Variants in CFAP52 observed in about 807,000 individuals in gnomAD.
The protein encoded by CFAP52 is cilia and flagella associated protein 52.
Under a neutral mutation model 70.5 loss-of-function variants are expected in CFAP52, and 57 were observed. The observed-to-expected ratio is 0.81, with a 90% confidence interval of 0.65 to 1.01. The LOEUF (loss-of-function observed/expected upper bound fraction) is 1.01, where lower values mean the gene tolerates loss of function less well. CFAP52 is among the 50% of genes least tolerant of loss of function. The pLI is 0.00. For synonymous variants in CFAP52, 267 were observed against 292.5 expected, an observed-to-expected ratio of 0.91 and a Z score of 0.89; for missense variants, 785 against 788.5, an observed-to-expected ratio of 1.00 and a Z score of 0.05.
intron 9 of CFAP52, among the ~76,000 whole-genome samples, chr17:9,629,474 CCTTTCTTTCTTT>C (rs71995451): frequency 3.4e-5 from 5 of 148,752 alleles, no homozygotes; most frequent in Non-Finnish European, 4.4e-5. Flanking sequence ...TCTTTCTTTC[CCTTTCTTTCTTT>C]CTTTCTTTCT....
chr17:9,608,490 C>A (rs1050241070), intron 7 of CFAP52, among the ~76,000 whole-genome samples: 1 of 152,192 alleles, frequency 6.6e-6, no homozygotes, highest in African/African-American at 2.4e-5. Context: ...TTAGCTAACA[C>A]ATTGAGCCAT....
chr17:9,631,237 G>A (rs922387325), intron 9 of CFAP52, among the ~76,000 whole-genome samples: 5 of 151,730 alleles, frequency 3.3e-5, no homozygotes, highest in African/African-American at 1.2e-4. Flanking sequence ...CTTACCTGGA[G>A]CTCTTCCTCT....
At chr17:9,630,730 C>A (rs1222796036) in intron 9 of CFAP52, among the ~76,000 whole-genome samples, 1 of 151,084 alleles carries the variant, frequency 6.6e-6, no homozygotes, top group Non-Finnish European at 1.5e-5. Flanking sequence ...GCGCCCTGCC[C>A]GATTTTTGTA....
Position 9,643,281 on chromosome 17 carries a change from AT to A in CFAP52, c.*86del. Reference sequence around the variant, plus strand: ...TTAGATAACTCCAACACTAGTCTTCATTTCTCACAGCTCTGTTTTTGTTCTT... The same window carrying A: ...TTAGATAACTCCAACACTAGTCTTCATTCTCACAGCTCTGTTTTTGTTCTT... On this transcript the variant is annotated 3_prime_UTR_variant, in exon 14 of 14. Transcript: ENST00000352665. 1 of 1,213,094 alleles carries A rather than the reference AT, an allele frequency of 8.2e-7. No homozygotes were observed. Among genetic ancestry groups the A allele is most frequent in the Non-Finnish European group, 1.1e-6 (1 of 924,544 alleles). The allele number at this position is 1,213,094 out of a possible 1,614,324, so 75.1% of individuals were successfully genotyped here.
At chr17:9,610,769 C>A (rs894785529) in intron 7 of CFAP52, among the ~76,000 whole-genome samples, 4 of 152,088 alleles carry the variant, frequency 2.6e-5, no homozygotes, top group Non-Finnish European at 5.9e-5. Flanking sequence ...AAACTCCTGA[C>A]CTCAGATGAT....
At chr17:9,595,162 G>T (rs147033633) in intron 4 of CFAP52, among the ~76,000 whole-genome samples, 150 of 152,208 alleles carry the variant, frequency 9.9e-4, no homozygotes, top group African/African-American at 3.2e-3. Context: ...GGTTAAATAT[G>T]AATTTTAGAA....
intron 9 of CFAP52, 80 bp from the exon 10 acceptor site, chr17:9,632,808 C>G: frequency 6.5e-7 from 1 of 1,545,362 alleles, no homozygotes; most frequent in Non-Finnish European, 8.7e-7. Flanking sequence ...AGGCCTGCCT[C>G]TCCTTAGTGA....
intron 9 of CFAP52, among the ~76,000 whole-genome samples, 165 bp downstream of exon 9, chr17:9,628,985 C>A (rs916538910): frequency 2.0e-5 from 3 of 152,178 alleles, no homozygotes; most frequent in Non-Finnish European, 2.9e-5. Flanking sequence ...TTCCTTCCAG[C>A]TGGGAGACTT....
chr17:9,627,705 T>C (rs1230985574), intron 8 of CFAP52, among the ~76,000 whole-genome samples: 5 of 152,068 alleles, frequency 3.3e-5, no homozygotes, highest in Non-Finnish European at 7.4e-5. Context: ...AATAAAGTGG[T>C]TTTTATTTTA....
intron 1 of CFAP52, among the ~76,000 whole-genome samples, chr17:9,578,697 C>A (rs1045369674): frequency 2.6e-5 from 4 of 152,122 alleles, no homozygotes; most frequent in African/African-American, 9.7e-5. Context: ...AAGCACCCAC[C>A]ACCACGCCTG....
intron 6 of CFAP52, among the ~76,000 whole-genome samples, chr17:9,606,453 A>C (rs892543387): frequency 1.3e-5 from 2 of 152,218 alleles, no homozygotes; most frequent in Non-Finnish European, 2.9e-5. Flanking sequence ...CTGATGTGTC[A>C]GACATGGTGC....
chr17:9,583,548 C>G (rs1009052056), intron 1 of CFAP52, among the ~76,000 whole-genome samples: 6 of 151,932 alleles, frequency 3.9e-5, no homozygotes, highest in Non-Finnish European at 8.8e-5. Context: ...GAAAATGCTA[C>G]TAGAAGGCAT....
At chr17:9,645,432 C>A, downstream of CFAP52, 1 of 350,662 alleles carries the variant, frequency 2.9e-6, no homozygotes, top group Non-Finnish European at 4.6e-6. The surrounding 1 kb of genome is among the most constrained non-coding windows in gnomAD (Gnocchi z 6.8). Context: ...CCCGGCGCTG[C>A]CCTGGAGGGG....
At chr17:9,641,895 A>G (rs1911080957) in intron 13 of CFAP52, 60 bp downstream of exon 13, 1 of 1,460,614 alleles carries the variant, frequency 6.8e-7, no homozygotes. Flanking sequence ...CATGGAAGGA[A>G]CTCCCAGGCT....
chr17:9,594,092 TTG>T, intron 3 of CFAP52, 99 bp from the exon 4 acceptor site: 1 of 1,445,924 alleles, frequency 6.9e-7, no homozygotes, highest in Non-Finnish European at 9.1e-7. Context: ...AAGTAACCTG[TTG>T]TGTTTTTTTC....
At chr17:9,616,167 C>G (rs950546259) in intron 8 of CFAP52, among the ~76,000 whole-genome samples, 9 of 151,228 alleles carry the variant, frequency 6.0e-5, no homozygotes, top group African/African-American at 2.0e-4. Context: ...CGAAGCAGGT[C>G]GAGGCATTGC....
intron 3 of CFAP52, among the ~76,000 whole-genome samples, chr17:9,592,929 T>A (rs1419819799): frequency 6.6e-6 from 1 of 152,102 alleles, no homozygotes; most frequent in East Asian, 1.9e-4. Context: ...TCATTTAAAC[T>A]TTTTAAGTAG....
intron 8 of CFAP52, among the ~76,000 whole-genome samples, chr17:9,626,179 G>A (rs977401898): frequency 6.6e-6 from 1 of 152,174 alleles, no homozygotes. Flanking sequence ...TTTTGAACTA[G>A]GCTTGACTGC....
chr17:9,632,236 C>T (rs1234410888), intron 9 of CFAP52, among the ~76,000 whole-genome samples: 3 of 150,338 alleles, frequency 2.0e-5, no homozygotes, highest in Admixed American at 6.6e-5. Flanking sequence ...TGCCACCATG[C>T]GAGGCAAGTT....
Sources: allele counts gnomAD v4.1 joint callset (sites outside exome capture counted in the v4.1 genomes callset), GRCh38; gene constraint gnomAD v4.1.1; non-coding constraint Gnocchi (gnomAD v3.1); transcripts MANE v1.5; gene names NCBI Gene and HGNC (gene_info 2026-07-23, HGNC 2026-07-21).